Variants in RUNDC3B observed in about 807,000 individuals in gnomAD.
RUNDC3B encodes the protein RUN domain containing 3B, also known as RUN domain-containing protein 3B.
RUNDC3B carries 33 observed loss-of-function variants against 58.4 expected under a neutral mutation model. The observed-to-expected ratio is 0.56, with a 90% CI of 0.43 to 0.75. RUNDC3B has a LOEUF of 0.75. Ranked by LOEUF, RUNDC3B falls within the 30% of genes least tolerant of loss-of-function variation. The pLI is 0.00. For missense variants in RUNDC3B, 501 were observed against 535.7 expected, an observed-to-expected ratio of 0.94 and a Z score of 0.64; for synonymous variants, 193 against 195.2, an observed-to-expected ratio of 0.99 and a Z score of 0.10.
At chr7:87,645,350 C>G (rs1194186582) in intron 1 of RUNDC3B, among the ~76,000 whole-genome samples, 3 of 152,090 alleles carry the variant, frequency 2.0e-5, no homozygotes, top group Admixed American at 2.0e-4. Flanking sequence ...TCCCAAAGTG[C>G]AGGTATTACA....
intron 1 of RUNDC3B, among the ~76,000 whole-genome samples, chr7:87,631,364 T>C (rs1434492049): frequency 6.6e-6 from 1 of 152,210 alleles, no homozygotes; most frequent in South Asian, 2.1e-4. Flanking sequence ...ATTTCACTCA[T>C]GTCTCTTATG....
chr7:87,813,875 G>C (rs1836869849), intron 9 of RUNDC3B, among the ~76,000 whole-genome samples: 1 of 151,784 alleles, frequency 6.6e-6, no homozygotes, highest in Admixed American at 6.6e-5. Flanking sequence ...CAGCTACTCA[G>C]GAGGCTGAGG....
chr7:87,727,785 A>T (rs1019855188), intron 4 of RUNDC3B, among the ~76,000 whole-genome samples: 2 of 152,174 alleles, frequency 1.3e-5, no homozygotes, highest in African/African-American at 4.8e-5. Context: ...TGACACTGTA[A>T]TGAGTATGAC....
intron 8 of RUNDC3B, among the ~76,000 whole-genome samples, chr7:87,802,413 T>TA (rs1279351646): frequency 1.3e-5 from 2 of 151,358 alleles, no homozygotes; most frequent in Non-Finnish European, 2.9e-5. Flanking sequence ...AAAGATAAAT[T>TA]AAAAATAATC....
chr7:87,726,826 A>G lies in RUNDC3B; in HGVS notation c.459-12965A>G, dbSNP rs377493877. On this transcript the variant is annotated intron_variant, in intron 4 of 10. Coordinates refer to ENST00000394654, the MANE Select transcript of RUNDC3B (RefSeq NM_001134405.2). The stretch of plus-strand genomic sequence containing the variant: ...ACATCCCTTGTAAGTTGGATTCCTA[A>G]GTATTTTATTCTCTTTGAAGCAATT... Among the ~76,000 whole-genome samples, 961 of 152,104 alleles carry G rather than the reference A, an allele frequency of 6.3e-3. 40 individuals are homozygous for G. Among genetic ancestry groups the G allele is most frequent in the Admixed American group, 0.055 (837 of 15,268 alleles).
intron 6 of RUNDC3B, among the ~76,000 whole-genome samples, chr7:87,764,086 G>T (rs1833843431): frequency 6.6e-6 from 1 of 151,604 alleles, no homozygotes; most frequent in Non-Finnish European, 1.5e-5. Context: ...GTATTTATTT[G>T]TGTCCTTTTT....
intron 6 of RUNDC3B, among the ~76,000 whole-genome samples, chr7:87,749,007 A>G (rs767672501): frequency 4.6e-5 from 7 of 152,226 alleles, no homozygotes; most frequent in Non-Finnish European, 1.0e-4. Flanking sequence ...TTTACAAATG[A>G]GAAAACTGAA....
chr7:87,804,578 A>T (rs1009687299), intron 8 of RUNDC3B, among the ~76,000 whole-genome samples: 2 of 152,306 alleles, frequency 1.3e-5, no homozygotes, highest in African/African-American at 4.8e-5. Flanking sequence ...TAGCTGTGAT[A>T]ATTCTACTCT....
At chr7:87,747,584 G>A (rs1250371881) in intron 6 of RUNDC3B, among the ~76,000 whole-genome samples, 1 of 152,090 alleles carries the variant, frequency 6.6e-6, no homozygotes, top group Admixed American at 6.6e-5. Context: ...GCCAGGGTGG[G>A]TAGGGAAGGA....
intron 2 of RUNDC3B, among the ~76,000 whole-genome samples, chr7:87,653,974 T>G (rs973845759): frequency 6.6e-6 from 1 of 152,064 alleles, no homozygotes; most frequent in Non-Finnish European, 1.5e-5. Context: ...TTTAAAAAAT[T>G]GAACTATAGC....
intron 7 of RUNDC3B, among the ~76,000 whole-genome samples, chr7:87,777,159 A>G (rs564110225): frequency 8.1e-4 from 124 of 152,326 alleles, no homozygotes; most frequent in South Asian, 3.3e-3. Flanking sequence ...TTACGTGTTT[A>G]CTAATAATAA....
At chr7:87,693,375 A>C (rs1367816201) in intron 2 of RUNDC3B, among the ~76,000 whole-genome samples, 1 of 152,190 alleles carries the variant, frequency 6.6e-6, no homozygotes, top group Non-Finnish European at 1.5e-5. Context: ...AACAATTCTT[A>C]GGCAAAAAAT....
At chr7:87,695,317 T>C (rs955669391) in intron 2 of RUNDC3B, among the ~76,000 whole-genome samples, 2 of 152,126 alleles carry the variant, frequency 1.3e-5, no homozygotes, top group African/African-American at 4.8e-5. Flanking sequence ...TTCTGAACTT[T>C]TACAGAAATG....
At chr7:87,697,675 C>G (rs1276738593) in intron 2 of RUNDC3B, among the ~76,000 whole-genome samples, 3 of 152,170 alleles carry the variant, frequency 2.0e-5, no homozygotes, top group Non-Finnish European at 4.4e-5. Context: ...ATAATTAACA[C>G]TTATTTTGAA....
intron 4 of RUNDC3B, 121 bp downstream of exon 4, chr7:87,710,776 T>C (rs928769537): frequency 1.7e-5 from 9 of 538,438 alleles, no homozygotes; most frequent in Non-Finnish European, 2.6e-5. Flanking sequence ...CCTCCTTTTG[T>C]TACTACTCAG....
At chr7:87,706,423 A>C (rs1829590312) in intron 3 of RUNDC3B, among the ~76,000 whole-genome samples, 1 of 152,200 alleles carries the variant, frequency 6.6e-6, no homozygotes, top group South Asian at 2.1e-4. Flanking sequence ...AATCTAAAAC[A>C]GAGTCGATCC....
chr7:87,820,843 T>A (rs1362392250), intron 10 of RUNDC3B, among the ~76,000 whole-genome samples: 1 of 151,858 alleles, frequency 6.6e-6, no homozygotes, highest in African/African-American at 2.4e-5. Flanking sequence ...CAACAGCCCT[T>A]CATGCTAAAA....
chr7:87,702,322 A>G (rs570020695), intron 3 of RUNDC3B, among the ~76,000 whole-genome samples: 7 of 151,766 alleles, frequency 4.6e-5, no homozygotes, highest in African/African-American at 1.7e-4. Context: ...TCTGTTGCCC[A>G]GGTTGGAGTA....
rs948146761 is a variant in RUNDC3B at position 87,650,966 on chromosome 7, C to A, written c.238+29C>A. The A allele has an allele frequency of 4.7e-6, 6 of 1,276,486 alleles. No homozygotes were observed. The African/African-American group carries it at 7.3e-5, about 16-fold the overall frequency. 79.1% of individuals were successfully genotyped at this position (1,276,486 alleles called of 1,614,324 possible). ...AAAGCACTAATGTACTATTTATTTTCCCACCAGCTGTCTTTATAATAAGCT... is the reference window on the plus strand; with the variant it reads ...AAAGCACTAATGTACTATTTATTTTACCACCAGCTGTCTTTATAATAAGCT... On this transcript the variant is annotated intron_variant, in intron 2 of 10. Coordinates refer to ENST00000394654, the MANE Select transcript of RUNDC3B (RefSeq NM_001134405.2).
Sources: allele counts gnomAD v4.1 joint callset (sites outside exome capture counted in the v4.1 genomes callset), GRCh38; gene constraint gnomAD v4.1.1; transcripts MANE v1.5; gene names NCBI Gene and HGNC (gene_info 2026-07-23, HGNC 2026-07-21).